The following RUBCN variants were observed in gnomAD, a reference collection of about 807,000 sequenced individuals.
The protein encoded by RUBCN is rubicon autophagy regulator, also known as run domain Beclin-1-interacting and cysteine-rich domain-containing protein.
A neutral mutation model predicts 113.2 loss-of-function variants in RUBCN; 74 were observed. The ratio of observed to expected loss-of-function variants is 0.65; its 90% CI spans 0.54 to 0.79. RUBCN has a LOEUF of 0.79. RUBCN is among the 30% of genes least tolerant of loss of function. RUBCN has a pLI of 0.00. For missense variants in RUBCN, 1,109 were observed against 1,251.7 expected (o/e 0.89, Z 1.72); for synonymous variants, 480 against 490.0 (o/e 0.98, Z 0.27).
chr3:197,675,032 G>T lies in RUBCN; in HGVS notation c.2905C>A (p.Leu969Met). ...ACGTGCTTTCTTCAGGTGGCCTCCA[G>T]GACGGCGGCTTCCAGGGCCAGCGCT... is the stretch of plus-strand genomic sequence containing the variant. ...AEALALEAAV[L>M]EAT Residue 969 changes from leucine to methionine, a missense_variant, in exon 20 of 20, where the codon CTG (leucine) becomes ATG (methionine). Transcript: ENST00000296343. The surrounding 1 kb of genome is among the most constrained non-coding windows in gnomAD (Gnocchi z 4.4). 1 of 1,612,476 alleles carries T rather than the reference G, an allele frequency of 6.2e-7. No individual in the cohort carries two copies.
At chr3:197,743,568 A>C (rs1728613602) in intron 1 of RUBCN, among the ~76,000 whole-genome samples, 1 of 152,272 alleles carries the variant, frequency 6.6e-6, no homozygotes, top group Admixed American at 6.5e-5. Context: ...GGCAAAGAAA[A>C]GCTACTGCAG....
At chr3:197,705,578 A>G (rs1334604921) in intron 2 of RUBCN, among the ~76,000 whole-genome samples, 1 of 151,818 alleles carries the variant, frequency 6.6e-6, no homozygotes, top group African/African-American at 2.4e-5. Context: ...AAAAAAAAAA[A>G]AAAAAAGAAA....
chr3:197,699,847 A>C (rs1723439152), intron 7 of RUBCN, among the ~76,000 whole-genome samples: 1 of 151,952 alleles, frequency 6.6e-6, no homozygotes, highest in South Asian at 2.1e-4. Flanking sequence ...TTTATATTTT[A>C]TTTCTGGGGC....
chr3:197,733,139 T>C lies in RUBCN; in HGVS notation c.65+3516A>G, dbSNP rs549557856. Among the ~76,000 whole-genome samples the C allele has an allele frequency of 1.4e-3, 213 of 152,290 alleles. 1 individual carries two copies. Among genetic ancestry groups the C allele is most frequent in the African/African-American group, 4.9e-3 (204 of 41,550 alleles). Reference sequence around the variant, plus strand: ...TTCACGTTTCATTATATCAACTACTTAAGGAAAATACACTGAAAAGTTTCA... The same window carrying C: ...TTCACGTTTCATTATATCAACTACTCAAGGAAAATACACTGAAAAGTTTCA... On this transcript the variant is annotated intron_variant, in intron 1 of 19. Transcript: ENST00000296343.
At chr3:197,691,888 T>C (rs1722459883) in intron 11 of RUBCN, among the ~76,000 whole-genome samples, 1 of 152,120 alleles carries the variant, frequency 6.6e-6, no homozygotes, top group Non-Finnish European at 1.5e-5. Flanking sequence ...TAAATAGATA[T>C]TTTGTCTTTG....
In RUBCN at chr3:197,700,998, A is replaced by G. The variant is rs779314497; in HGVS notation, c.876T>C (p.Asn292=). Residue 292 remains asparagine (N), a synonymous_variant, in exon 7 of 20, where the codon AAT becomes AAC. Coordinates refer to ENST00000296343, the MANE Select transcript of RUBCN (RefSeq NM_014687.4). The stretch of plus-strand genomic sequence containing the variant: ...TGGTCAGAGTACTGGAGCTCATTTC[A>G]TTTGGGGTCAAAGGGGAATCCCTGG... ...ALARDSPLTP[N]EMSSSTLTSP... 4 of 1,614,126 alleles carry G rather than the reference A, an allele frequency of 2.5e-6. No homozygotes were observed. The Middle Eastern group carries it at 4.9e-4, about 200-fold the overall frequency.
chr3:197,745,313 G>A (rs1304508299), intron 1 of RUBCN, among the ~76,000 whole-genome samples: 1 of 148,454 alleles, frequency 6.7e-6, no homozygotes, highest in Non-Finnish European at 1.5e-5. Context: ...AAAAGAAAAG[G>A]GGGATTTAAA....
intron 8 of RUBCN, 69 bp downstream of exon 8, chr3:197,696,884 AG>A: frequency 1.2e-6 from 1 of 858,614 alleles, no homozygotes; most frequent in Admixed American, 1.7e-5. Context: ...CCCAAAACTC[AG>A]AACTTAGCAG....
chr3:197,681,706 CT>C lies in RUBCN; in HGVS notation c.2191+128del, dbSNP rs369675965. The C allele has an allele frequency of 5.9e-3, 4,813 of 820,530 alleles. 42 individuals are homozygous for C. The highest frequency in any genetic ancestry group is 0.018 in the South Asian group (1,296 of 70,824). The allele number at this position is 820,530 out of a possible 1,614,324, so 50.8% of individuals were successfully genotyped here. A position where few individuals can be genotyped will look rare whatever the true frequency, so the allele number is the denominator to read the frequency against. ...GCCAGCACTCTTGCCTACTACGAAC[CT>C]TTCTTTCTCCTTCCCTACTTCTGCC... On this transcript the variant is annotated intron_variant, in intron 15 of 19. Transcript: ENST00000296343. This position sits in a 1 kb window ranked among gnomAD's most constrained non-coding sequence, Gnocchi z 5.5.
intron 2 of RUBCN, among the ~76,000 whole-genome samples, chr3:197,708,082 TA>T (rs1221413785): frequency 6.6e-6 from 1 of 151,744 alleles, no homozygotes; most frequent in Admixed American, 6.6e-5. Flanking sequence ...TTTCTTTACA[TA>T]AAAAAAGAAT....
intron 2 of RUBCN, among the ~76,000 whole-genome samples, chr3:197,714,550 T>G (rs941047907): frequency 2.0e-5 from 3 of 152,218 alleles, no homozygotes; most frequent in African/African-American, 7.2e-5. Context: ...CTTGTATTCC[T>G]GGCCTCAAAT....
chr3:197,740,778 G>A (rs898925476), upstream of RUBCN, among the ~76,000 whole-genome samples: 31 of 151,876 alleles, frequency 2.0e-4, 1 homozygote, highest in South Asian at 2.1e-4. Flanking sequence ...CCAACACCAC[G>A]CCCAGTTAGT....
chr3:197,746,093 A>G (rs1560486082), intron 1 of RUBCN, among the ~76,000 whole-genome samples: 2 of 152,204 alleles, frequency 1.3e-5, no homozygotes, highest in Non-Finnish European at 2.9e-5. Flanking sequence ...AGCAAATAAA[A>G]TAAAAGACTC....
chr3:197,701,790 G>A lies in RUBCN; in HGVS notation c.645C>T (p.Tyr215=), dbSNP rs1175933132. 2.5e-6 allele frequency: 4 copies of A among 1,613,984 alleles called. No individual in the cohort carries two copies. The highest frequency in any genetic ancestry group is 1.7e-6 in the Non-Finnish European group (2 of 1,179,950). ...QSLTALPSST[Y]TPPNSYAQHS... is the part of the protein sequence containing the mutation. ...GCTGAGCATAGCTGTTTGGAGGGGT[G>A]TATGTGGAACTGGGCAGGGCTGTCA... Residue 215 remains tyrosine, a synonymous_variant, in exon 6 of 20, where the codon TAC becomes TAT. Coordinates refer to ENST00000296343, the MANE Select transcript of RUBCN (RefSeq NM_014687.4).
chr3:197,718,061 G>A lies in RUBCN; in HGVS notation c.135C>T (p.Pro45=). 6 of 1,614,178 alleles carry A rather than the reference G, an allele frequency of 3.7e-6. No homozygotes were observed. The highest frequency in any genetic ancestry group is 5.1e-6 in the Non-Finnish European group (6 of 1,180,036). The change falls in exon 2 of 20, where the codon CCC becomes CCT. Residue 45 remains proline (P), a synonymous_variant. Transcript: ENST00000296343. The part of the protein sequence containing the change: ...TVEGLVSTNS[P]NVWSKYGGLE... ...AGCCACCATACTTAGACCAGACGTTGGGGCTGTTGGTTGATACCAAACCCT... is the reference window on the plus strand; with the variant it reads ...AGCCACCATACTTAGACCAGACGTTAGGGCTGTTGGTTGATACCAAACCCT...
At chr3:197,676,212 C>T (rs1720397387) in intron 18 of RUBCN, 1 of 990,424 alleles carries the variant, frequency 1.0e-6, no homozygotes, top group South Asian at 4.6e-5. Context: ...AAAATCGAGG[C>T]CTCAGAGGGG....
chr3:197,676,564 C>T (rs1454950769), intron 18 of RUBCN: 7 of 1,189,900 alleles, frequency 5.9e-6, no homozygotes, highest in East Asian at 4.9e-5. Context: ...CCGCCCACCT[C>T]GGCCTCCCAA....
At position 197,695,038 on chromosome 3, in the gene RUBCN, C is replaced by T. The variant is rs186957463; in HGVS notation, c.1474-453G>A. On this transcript the variant is annotated intron_variant, in intron 9 of 19. Transcript: ENST00000296343. ...CCTAAGGTGCCAGAGTCAAGGGAAC[C>T]GCAATCATGCAGCAAAAACAATGCT... 5.3e-5 allele frequency among the ~76,000 whole-genome samples: 8 copies of T among 152,362 alleles called. No homozygotes were observed. The East Asian group carries it at 5.8e-4, about 11-fold the overall frequency.
chr3:197,723,005 T>C (rs1260307113), intron 1 of RUBCN, among the ~76,000 whole-genome samples: 1 of 152,150 alleles, frequency 6.6e-6, no homozygotes, highest in Non-Finnish European at 1.5e-5. Flanking sequence ...TTTTCTAGTT[T>C]TTTTACAGTT....
Sources: gnomAD v4.1 joint callset for allele counts (sites outside exome capture counted in the v4.1 genomes callset) on GRCh38, gnomAD v4.1.1 for gene constraint, Gnocchi (gnomAD v3.1) non-coding constraint, MANE v1.5 for transcripts, NCBI Gene and HGNC (gene_info 2026-07-23, HGNC 2026-07-21) for gene names.